ZFHX3: variants seen among roughly 807,000 people sequenced by gnomAD.
ZFHX3 encodes the protein zinc finger homeobox protein 3.
Under a neutral mutation model 279.1 loss-of-function variants are expected in ZFHX3, and 42 were observed. The observed-to-expected ratio is 0.15, with a 90% CI of 0.12 to 0.19. ZFHX3 has a LOEUF of 0.19. Among genes scored for constraint, ZFHX3 ranks in the 10% least tolerant of loss-of-function variants. ZFHX3 has a pLI of 1.00. For synonymous variants in ZFHX3, 2,293 were observed against 1,957.8 expected, an observed-to-expected ratio of 1.17 and a Z score of -4.52; for missense variants, 4,981 against 4,754.0, an observed-to-expected ratio of 1.05 and a Z score of -1.40.
At chr16:73,443,197 A>G (rs1005121645) in intron 3 of ZFHX3, among the ~76,000 whole-genome samples, 1 of 152,204 alleles carries the variant, frequency 6.6e-6, no homozygotes, top group African/African-American at 2.4e-5. Context: ...ACAATAACAG[A>G]AAGAAGGGAA....
intron 2 of ZFHX3, among the ~76,000 whole-genome samples, chr16:73,667,867 C>T (rs1352372520): frequency 1.3e-5 from 2 of 152,206 alleles, no homozygotes; most frequent in Non-Finnish European, 2.9e-5. Context: ...CTCACTTCCA[C>T]TTCCCTTGTC....
Position 72,798,446 on chromosome 16 carries a change from G to A in ZFHX3, c.4236C>T (p.Thr1412=), listed in dbSNP as rs1476762227. Residue 1412 remains threonine, a synonymous_variant, in exon 9 of 10, where the codon ACC becomes ACT. Transcript: ENST00000268489. ...RCNQCSLAFK[T]IEKLQLHSQY... is the part of the protein sequence containing the mutation. ...GAGAATGGAGCTGCAACTTTTCAAT[G>A]GTCTTGAAGGCCAGGCTACACTGAT... The A allele has an allele frequency of 6.2e-7, 1 of 1,614,196 alleles. No individual in the cohort carries two copies. Among genetic ancestry groups the A allele is most frequent in the South Asian group, 1.1e-5 (1 of 91,078 alleles).
chr16:72,986,217 A>C (rs11640106), intron 1 of ZFHX3, among the ~76,000 whole-genome samples: 1 of 151,682 alleles, frequency 6.6e-6, no homozygotes, highest in Admixed American at 6.6e-5. Flanking sequence ...CCTGCCCCCA[A>C]CTTCAGGAAG....
At position 72,950,520 on chromosome 16, in the gene ZFHX3, C is replaced by T. The variant is rs767101010; in HGVS notation, c.3165G>A (p.Leu1055=). Residue 1055 remains leucine (L), a synonymous_variant, in exon 3 of 10, where the codon CTG becomes CTA. Coordinates refer to ENST00000268489, the MANE Select transcript of ZFHX3 (RefSeq NM_006885.4). ...CDYYTNSLEK[L]RLHTVNSRHE... is the part of the protein sequence containing the mutation. ...GCCTGGAGTTGACCGTGTGCAGCCGCAGCTTCTCCAGGCTGTTGGTGTAGT... is the reference window on the plus strand; with the variant it reads ...GCCTGGAGTTGACCGTGTGCAGCCGTAGCTTCTCCAGGCTGTTGGTGTAGT... 6.8e-6 allele frequency: 11 copies of T among 1,614,136 alleles called. No homozygotes were observed. The Admixed American group carries it at 8.3e-5, about 12-fold the overall frequency.
At chr16:73,744,758 G>T (rs544110649) in intron 1 of ZFHX3, among the ~76,000 whole-genome samples, 2 of 152,102 alleles carry the variant, frequency 1.3e-5, no homozygotes, top group Non-Finnish European at 2.9e-5. Flanking sequence ...GACAGCTTTT[G>T]CATTCTGAAT....
chr16:73,216,381 T>C (rs1487134805), intron 5 of ZFHX3, among the ~76,000 whole-genome samples: 1 of 152,186 alleles, frequency 6.6e-6, no homozygotes. Flanking sequence ...CTTCCCCAAC[T>C]GAATTGGTTC....
At chr16:73,622,505 T>A (rs2052373224) in intron 2 of ZFHX3, among the ~76,000 whole-genome samples, 1 of 151,922 alleles carries the variant, frequency 6.6e-6, no homozygotes, top group South Asian at 2.1e-4. Flanking sequence ...GAGCTTGCAG[T>A]GAGCCGAGAT....
intron 3 of ZFHX3, among the ~76,000 whole-genome samples, chr16:73,440,203 A>T (rs1030549294): frequency 6.6e-6 from 1 of 152,166 alleles, no homozygotes; most frequent in African/African-American, 2.4e-5. Flanking sequence ...TCAATAAGAC[A>T]CCTCCAGTTT....
intron 2 of ZFHX3, among the ~76,000 whole-genome samples, chr16:73,568,557 G>A (rs1019835726): frequency 1.3e-5 from 2 of 152,098 alleles, no homozygotes; most frequent in South Asian, 2.1e-4. Flanking sequence ...CAACCCGTGT[G>A]GAACTTGATT....
At chr16:73,312,085 C>G (rs750271627) in intron 4 of ZFHX3, among the ~76,000 whole-genome samples, 5 of 152,166 alleles carry the variant, frequency 3.3e-5, no homozygotes, top group Non-Finnish European at 2.9e-5. Context: ...TGTTGAAAAC[C>G]TGGAGTAGGT....
chr16:73,450,446 G>C (rs1251023158), intron 3 of ZFHX3, among the ~76,000 whole-genome samples: 1 of 149,192 alleles, frequency 6.7e-6, no homozygotes, highest in Non-Finnish European at 1.5e-5. Context: ...GCGGACATGT[G>C]TCATTTTTAT....
chr16:73,218,255 T>C (rs867737692), intron 5 of ZFHX3, among the ~76,000 whole-genome samples: 10 of 152,322 alleles, frequency 6.6e-5, no homozygotes, highest in Middle Eastern at 6.8e-3. Flanking sequence ...ACTCCTTTTT[T>C]CATTCAGGTT....
chr16:73,362,920 C>A (rs1268715408), intron 3 of ZFHX3, among the ~76,000 whole-genome samples: 1 of 152,214 alleles, frequency 6.6e-6, no homozygotes, highest in Non-Finnish European at 1.5e-5. Context: ...GCTAAAGTAA[C>A]CTATAGGACC....
At chr16:73,511,800 G>A (rs2019432850) in intron 2 of ZFHX3, among the ~76,000 whole-genome samples, 1 of 152,156 alleles carries the variant, frequency 6.6e-6, no homozygotes. Flanking sequence ...GATTCTGAAA[G>A]AAAAAGAATG....
chr16:73,516,235 C>T (rs1157600025), intron 2 of ZFHX3, among the ~76,000 whole-genome samples: 1 of 152,190 alleles, frequency 6.6e-6, no homozygotes, highest in Non-Finnish European at 1.5e-5. Flanking sequence ...GTTGGGGCTG[C>T]ACAGCGGGAC....
At chr16:73,066,561 G>A (rs1052582455) in intron 8 of ZFHX3, among the ~76,000 whole-genome samples, 1 of 152,108 alleles carries the variant, frequency 6.6e-6, no homozygotes, top group African/African-American at 2.4e-5. Flanking sequence ...ACAGGTGCAC[G>A]TAGGGCATGG....
intron 1 of ZFHX3, among the ~76,000 whole-genome samples, chr16:73,844,834 T>G (rs191117067): frequency 6.8e-6 from 1 of 148,068 alleles, no homozygotes; most frequent in Non-Finnish European, 1.5e-5. Flanking sequence ...GGTAGACGGA[T>G]GGATGGGATT....
chr16:72,865,677 T>A (rs1331019499), intron 4 of ZFHX3, among the ~76,000 whole-genome samples: 6 of 152,178 alleles, frequency 3.9e-5, no homozygotes. Flanking sequence ...AGAGGAAGGC[T>A]GTGGGTTGGA....
At chr16:73,098,024 G>A (rs958349078) in intron 7 of ZFHX3, among the ~76,000 whole-genome samples, 19 of 150,902 alleles carry the variant, frequency 1.3e-4, no homozygotes, top group African/African-American at 3.7e-4. Flanking sequence ...TTGGAATAAT[G>A]TTGCTGTCAA....
Sources: gnomAD v4.1 joint callset for allele counts (sites outside exome capture counted in the v4.1 genomes callset) on GRCh38, gnomAD v4.1.1 for gene constraint, MANE v1.5 for transcripts, NCBI Gene and HGNC (gene_info 2026-07-23, HGNC 2026-07-21) for gene names.